PLD3: variants seen among roughly 807,000 people sequenced by gnomAD.
PLD3 encodes the protein phospholipase D family member 3, also known as 5'-3' exonuclease PLD3.
A neutral mutation model predicts 58.4 loss-of-function variants in PLD3; 31 were observed. The ratio of observed to expected loss-of-function variants is 0.53; its 90% CI spans 0.40 to 0.72. The LOEUF is 0.72. PLD3 is among the 30% of genes least tolerant of loss of function. The pLI is 0.00. For synonymous variants in PLD3, 264 were observed against 273.4 expected (o/e 0.97, Z 0.34); for missense variants, 595 against 659.8 (o/e 0.90, Z 1.08).
Position 40,374,524 on chromosome 19 carries a change from TGAAGGC to T in PLD3, c.924_929del (p.Lys309_Ala310del). On this transcript the variant is annotated inframe_deletion, in exon 10 of 13. Transcript: ENST00000409735. ...TGTCCAAGTGGCCGCACTCCAGACC[TGAAGGC>T]TCTACTCAACGTGGTGGACAATGCC... The T allele has an allele frequency of 1.9e-6, 3 of 1,614,174 alleles. No individual in the cohort carries two copies. Among genetic ancestry groups the T allele is most frequent in the Non-Finnish European group, 2.5e-6 (3 of 1,180,028 alleles).
chr19:40,353,605 G>A (rs1432915479), intron 1 of PLD3, among the ~76,000 whole-genome samples: 1 of 151,724 alleles, frequency 6.6e-6, no homozygotes, highest in Non-Finnish European at 1.5e-5. Context: ...TTGAGATGGA[G>A]TCTTGCTCTG....
intron 8 of PLD3, chr19:40,370,949 G>A (rs2079052583): frequency 6.5e-6 from 1 of 152,768 alleles, no homozygotes; most frequent in African/African-American, 2.4e-5. Flanking sequence ...GCCCAGAGGG[G>A]TCAGGGCCGG....
chr19:40,357,880 C>G (rs2078690784), intron 1 of PLD3: 1 of 152,196 alleles, frequency 6.6e-6, no homozygotes. Context: ...CATGGATGAT[C>G]TCATTGACTT....
chr19:40,364,928 C>T (rs2078880278), intron 1 of PLD3, among the ~76,000 whole-genome samples: 1 of 151,968 alleles, frequency 6.6e-6, no homozygotes, highest in Non-Finnish European at 1.5e-5. Flanking sequence ...CATGCTGCTG[C>T]ACTCCAGCCT....
rs1020982689 is a variant in PLD3 at position 40,365,704 on chromosome 19, C to A, written c.-278-14C>A. The stretch of plus-strand genomic sequence containing the variant: ...CCCATCCACCAGCCATGTACTACCC[C>A]CCAACCCGGCCAGGCTGGAGCGACC... On this transcript the variant is annotated splice_polypyrimidine_tract_variant and intron_variant, in intron 1 of 12. Transcript: ENST00000409735. The A allele has an allele frequency of 1.3e-5, 2 of 152,516 alleles. No homozygotes were observed. The highest frequency in any genetic ancestry group is 6.5e-5 in the Admixed American group (1 of 15,290). The allele number at this position is 152,516 out of a possible 1,614,324, so 9.4% of individuals were successfully genotyped here.
In PLD3 at chr19:40,355,230, C is replaced by T. The variant is rs542222159; in HGVS notation, c.-279+6462C>T. On this transcript the variant is annotated intron_variant, in intron 1 of 12. Coordinates refer to ENST00000409735, the MANE Select transcript of PLD3 (RefSeq NM_012268.4). ...CTTTATTTTTTTCCAAGGCACATTC[C>T]ATGTATTTCACTCATTTATTTTCAC... 5.3e-5 allele frequency among the ~76,000 whole-genome samples: 8 copies of T among 152,202 alleles called. No individual in the cohort carries two copies. In the South Asian group the frequency reaches 1.7e-3, roughly 32 times the overall value.
At chr19:40,375,804 A>G (rs2079184059) in intron 10 of PLD3, among the ~76,000 whole-genome samples, 1 of 152,102 alleles carries the variant, frequency 6.6e-6, no homozygotes, top group South Asian at 2.1e-4. Context: ...CACGCCTGTA[A>G]TCCCAACACT....
intron 9 of PLD3, among the ~76,000 whole-genome samples, chr19:40,373,231 T>G (rs998930692): frequency 1.6e-4 from 25 of 152,168 alleles, no homozygotes; most frequent in African/African-American, 5.8e-4. Flanking sequence ...AAGGCTCTCC[T>G]CATTACCACT....
At chr19:40,367,345 C>T (rs988189203) in intron 5 of PLD3, 12 of 263,750 alleles carry the variant, frequency 4.5e-5, no homozygotes, top group Non-Finnish European at 7.2e-5. Flanking sequence ...CTTTGCGGGG[C>T]TGAGGCGGGA....
intron 1 of PLD3, among the ~76,000 whole-genome samples, chr19:40,355,365 T>C (rs1300056169): frequency 6.6e-6 from 1 of 151,908 alleles, no homozygotes; most frequent in Non-Finnish European, 1.5e-5. Flanking sequence ...CAGGCTGAAG[T>C]GCAGTGGCGT....
intron 1 of PLD3, 124 bp downstream of exon 1, chr19:40,348,892 T>C (rs1055164536): frequency 6.6e-6 from 1 of 151,200 alleles, no homozygotes; most frequent in African/African-American, 2.5e-5. Context: ...TATATATAAT[T>C]ATAGCGTTGT....
intron 5 of PLD3, 135 bp downstream of exon 5, chr19:40,367,050 C>G: frequency 1.1e-6 from 1 of 917,758 alleles, no homozygotes; most frequent in Non-Finnish European, 1.6e-6. Context: ...CTCCCAAGTG[C>G]TCGCCCGCCC....
chr19:40,370,009 G>C lies in PLD3; in HGVS notation c.531G>C (p.Leu177=). ...GCGGGCCCCAGCCACAGGCGGACCT[G>C]CAGGCTCTGCTGCAGAGCGGTGAGC... is the stretch of plus-strand genomic sequence containing the variant. ...KPSGPQPQAD[L]QALLQSGAQV... is the part of the protein sequence containing the mutation. Residue 177 remains leucine, a synonymous_variant, in exon 7 of 13, where the codon CTG becomes CTC. Coordinates refer to ENST00000409735, the MANE Select transcript of PLD3 (RefSeq NM_012268.4). 2 of 1,560,992 alleles carry C rather than the reference G, an allele frequency of 1.3e-6. No individual in the cohort carries two copies. The highest frequency in any genetic ancestry group is 1.7e-6 in the Non-Finnish European group (2 of 1,153,524).
intron 1 of PLD3, among the ~76,000 whole-genome samples, chr19:40,363,309 C>G (rs1418859217): frequency 6.6e-6 from 1 of 152,036 alleles, no homozygotes; most frequent in Non-Finnish European, 1.5e-5. Flanking sequence ...CCTCCTCCAC[C>G]CACAATGTTG....
intron 1 of PLD3, chr19:40,356,404 G>C (rs760809528): frequency 6.5e-6 from 1 of 152,824 alleles, no homozygotes; most frequent in East Asian, 1.9e-4. Flanking sequence ...TGGAAGCCAA[G>C]GGAGGTGGCT....
chr19:40,354,553 C>T (rs1293380871), intron 1 of PLD3, among the ~76,000 whole-genome samples: 1 of 150,874 alleles, frequency 6.6e-6, no homozygotes, highest in Non-Finnish European at 1.5e-5. Flanking sequence ...CATTGAGACA[C>T]TGTCTTGTGT....
rs2078923789 is a variant in PLD3, at chr19:40,366,436, A to ACC, written c.-46_-45dup. On this transcript the variant is annotated 5_prime_UTR_variant, in exon 3 of 13. Coordinates refer to ENST00000409735, the MANE Select transcript of PLD3 (RefSeq NM_012268.4). ...TCTGCCAGTTTGGAGACCCTGACACACCCACCTTCTCACCTGGGCTCTGCG... is the reference window on the plus strand; with the variant it reads ...TCTGCCAGTTTGGAGACCCTGACACACCCCCACCTTCTCACCTGGGCTCTGCG... 6.3e-7 allele frequency: 1 copy of ACC among 1,593,428 alleles called. No individual in the cohort carries two copies. Among genetic ancestry groups the ACC allele is most frequent in the Admixed American group, 1.7e-5 (1 of 59,944 alleles).
intron 6 of PLD3, chr19:40,369,703 C>A (rs745762856): frequency 3.4e-4 from 167 of 495,882 alleles, no homozygotes; most frequent in Non-Finnish European, 5.4e-4. Flanking sequence ...GATCACAGGG[C>A]AACTAATTAT....
chr19:40,364,091 C>T (rs892783608), intron 1 of PLD3, among the ~76,000 whole-genome samples: 3 of 152,176 alleles, frequency 2.0e-5, no homozygotes, highest in African/African-American at 7.2e-5. Flanking sequence ...CACAGTGGCT[C>T]ATGCCTGTAA....
Sources: allele counts gnomAD v4.1 joint callset (sites outside exome capture counted in the v4.1 genomes callset), GRCh38; gene constraint gnomAD v4.1.1; transcripts MANE v1.5; gene names NCBI Gene and HGNC (gene_info 2026-07-23, HGNC 2026-07-21).